Variants in DOCK2 observed in about 807,000 individuals in gnomAD.
The protein encoded by DOCK2 is dedicator of cytokinesis protein 2.
A neutral mutation model predicts 248.9 loss-of-function variants in DOCK2; 87 were observed. That is an observed-to-expected ratio of 0.35 (90% CI 0.29 to 0.42). DOCK2 has a LOEUF of 0.42. Ranked by LOEUF, DOCK2 falls within the 10% of genes least tolerant of loss-of-function variation. DOCK2 has a pLI of 1.00. For synonymous variants in DOCK2, 805 were observed against 821.6 expected (o/e 0.98, Z 0.35); for missense variants, 1,747 against 2,300.2 (o/e 0.76, Z 4.92).
intron 29 of DOCK2, among the ~76,000 whole-genome samples, chr5:169,986,583 C>T (rs1258134081): frequency 6.6e-6 from 1 of 152,184 alleles, no homozygotes; most frequent in Non-Finnish European, 1.5e-5. Context: ...TATCATTTCA[C>T]CAAAGTAAAA....
At chr5:169,819,304 C>T (rs888638553) in intron 26 of DOCK2, among the ~76,000 whole-genome samples, 2 of 151,202 alleles carry the variant, frequency 1.3e-5, no homozygotes, top group African/African-American at 4.9e-5. Flanking sequence ...GAGCAAAACT[C>T]CATCTCAAAC....
At chr5:169,732,678 C>T (rs1256847283) in intron 22 of DOCK2, among the ~76,000 whole-genome samples, 1 of 152,126 alleles carries the variant, frequency 6.6e-6, no homozygotes, top group Non-Finnish European at 1.5e-5. Flanking sequence ...CTCCCTGAAA[C>T]GTATCTCAAT....
chr5:169,815,562 G>A (rs1385833022), intron 26 of DOCK2, among the ~76,000 whole-genome samples: 1 of 152,146 alleles, frequency 6.6e-6, no homozygotes, highest in Non-Finnish European at 1.5e-5. Flanking sequence ...CAAAAATTCA[G>A]TAATCAAATC....
intron 27 of DOCK2, among the ~76,000 whole-genome samples, chr5:169,886,234 G>T (rs1772961261): frequency 6.6e-6 from 1 of 152,182 alleles, no homozygotes; most frequent in South Asian, 2.1e-4. Context: ...TGAGCAGGTG[G>T]TTCCTCATTT....
At chr5:169,800,522 A>T (rs1258872123) in intron 25 of DOCK2, among the ~76,000 whole-genome samples, 1 of 152,224 alleles carries the variant, frequency 6.6e-6, no homozygotes, top group East Asian at 1.9e-4. Context: ...ATGAATGGAC[A>T]TTAATTACGT....
At chr5:169,759,578 C>G (rs1242074219) in intron 23 of DOCK2, 127 bp from the exon 24 acceptor site, 1 of 1,004,650 alleles carries the variant, frequency 1.0e-6, no homozygotes. Context: ...AGGCTTCCAT[C>G]AATATTGTAA....
chr5:169,910,272 G>A (rs554016686), intron 27 of DOCK2, among the ~76,000 whole-genome samples: 4 of 152,260 alleles, frequency 2.6e-5, no homozygotes, highest in South Asian at 4.2e-4. Flanking sequence ...ACAGGACATT[G>A]TTCCAAGCCG....
At chr5:169,903,143 G>T in intron 27 of DOCK2, among the ~76,000 whole-genome samples, 1 of 151,704 alleles carries the variant, frequency 6.6e-6, no homozygotes, top group Non-Finnish European at 1.5e-5. Context: ...AGGTGGTCAT[G>T]GTGCATATCT....
Position 169,949,219 on chromosome 5 carries a change from C to T in DOCK2, c.2800-33849C>T, listed in dbSNP as rs116671911. 3.1e-3 allele frequency among the ~76,000 whole-genome samples: 476 copies of T among 152,290 alleles called. 3 individuals are homozygous for T. Among genetic ancestry groups the T allele is most frequent in the African/African-American group, 0.011 (463 of 41,562 alleles). On this transcript the variant is annotated intron_variant, in intron 27 of 51. Coordinates refer to ENST00000520908, the MANE Select transcript of DOCK2 (RefSeq NM_004946.3). ...TTCAACTCCACAAGCATTTGCTGCACGACTACTATGTGCAGAATGTGGTAG... is the reference window on the plus strand; with the variant it reads ...TTCAACTCCACAAGCATTTGCTGCATGACTACTATGTGCAGAATGTGGTAG...
intron 27 of DOCK2, among the ~76,000 whole-genome samples, chr5:169,934,286 GACTTC>G (rs1775887848): frequency 6.6e-6 from 1 of 152,196 alleles, no homozygotes; most frequent in East Asian, 1.9e-4. Context: ...TACCCGGGAA[GACTTC>G]TCTGATTTCC....
At position 170,034,412 on chromosome 5, in the gene DOCK2, G is replaced by A. The variant is rs1273533923; in HGVS notation, c.3481G>A (p.Ala1161Thr). ...QLLESILMEC[A>T]AEHPTIAKSV... The stretch of plus-strand genomic sequence containing the variant: ...TCTCTGCCGCAGCCTGATGGAATGT[G>A]CTGCAGAGCACCCAACCATTGCCAA... The change falls in exon 35 of 52, where the codon GCT becomes ACT. Residue 1161 changes from alanine (A) to threonine (T), a missense_variant. Ala to Thr is a moderately conservative substitution (Grantham distance 58, BLOSUM62 0). Coordinates refer to ENST00000520908, the MANE Select transcript of DOCK2 (RefSeq NM_004946.3). 3.1e-6 allele frequency: 5 copies of A among 1,614,082 alleles called. No individual in the cohort carries two copies. The highest frequency in any genetic ancestry group is 1.6e-4 in the Middle Eastern group (1 of 6,062).
intron 27 of DOCK2, among the ~76,000 whole-genome samples, chr5:169,843,713 C>T (rs1770134659): frequency 6.6e-6 from 1 of 152,126 alleles, no homozygotes; most frequent in South Asian, 2.1e-4. Flanking sequence ...CTTTCTTTCC[C>T]TCCTCTCACC....
At chr5:169,909,538 C>CAG (rs1352959747) in intron 27 of DOCK2, among the ~76,000 whole-genome samples, 1 of 152,232 alleles carries the variant, frequency 6.6e-6, no homozygotes, top group African/African-American at 2.4e-5. Flanking sequence ...ATCTTTATGT[C>CAG]AGTCCTGCAA....
intron 26 of DOCK2, among the ~76,000 whole-genome samples, chr5:169,825,145 A>G (rs1055527653): frequency 6.6e-6 from 1 of 152,212 alleles, no homozygotes; most frequent in Non-Finnish European, 1.5e-5. Flanking sequence ...GATGTGGAGA[A>G]ATAGGAACAC....
intron 9 of DOCK2, 69 bp from the exon 10 acceptor site, chr5:169,695,734 G>A: frequency 3.1e-6 from 5 of 1,596,034 alleles, no homozygotes; most frequent in Non-Finnish European, 4.3e-6. Flanking sequence ...ACTATTACTG[G>A]GTTTTCTTGT....
chr5:169,678,517 C>A (rs1368149985), intron 6 of DOCK2, among the ~76,000 whole-genome samples: 1 of 152,128 alleles, frequency 6.6e-6, no homozygotes, highest in Admixed American at 6.5e-5. Flanking sequence ...CCTGCCTTGG[C>A]CTGCAAAAGT....
intron 27 of DOCK2, among the ~76,000 whole-genome samples, chr5:169,902,956 G>T (rs1252950585): frequency 1.3e-5 from 2 of 152,052 alleles, no homozygotes; most frequent in Non-Finnish European, 2.9e-5. Flanking sequence ...AAATTAGCTG[G>T]GTGTGGTGGC....
intron 43 of DOCK2, chr5:170,057,359 T>C (rs1189679726): frequency 3.3e-6 from 2 of 602,894 alleles, no homozygotes; most frequent in Non-Finnish European, 6.0e-6. Flanking sequence ...GGTTAGTACT[T>C]ACTTGGCCTA....
chr5:169,883,739 C>T (rs1298212367), intron 27 of DOCK2: 1 of 1,551,496 alleles, frequency 6.4e-7, no homozygotes, highest in Non-Finnish European at 8.7e-7. Context: ...TGGACGTCAA[C>T]CTCAGCTAGG....
Sources: gnomAD v4.1 joint callset for allele counts (sites outside exome capture counted in the v4.1 genomes callset) on GRCh38, gnomAD v4.1.1 for gene constraint, MANE v1.5 for transcripts, NCBI Gene and HGNC (gene_info 2026-07-23, HGNC 2026-07-21) for gene names.